The following GAA variants were observed in gnomAD, a reference collection of about 807,000 sequenced individuals.
GAA encodes alpha glucosidase.
In GAA, 88 loss-of-function variants were observed where a neutral mutation model predicts 103.9. The ratio of observed to expected loss-of-function variants is 0.85; its 90% CI spans 0.71 to 1.01. The LOEUF (loss-of-function observed/expected upper bound fraction) is 1.01. GAA is among the 50% of genes least tolerant of loss of function. The pLI is 0.00. For missense variants in GAA, 1,350 were observed against 1,305.3 expected (o/e 1.03, Z -0.53); for synonymous variants, 572 against 563.1 (o/e 1.02, Z -0.22).
rs761311330 is a variant in GAA, at chr17:80,104,914, T to C, written c.328T>C (p.Tyr110His). ...QEQCEARGCC[Y>H]IPAKQGLQGA... ...ACAGTGCGAGGCCCGCGGCTGTTGC[T>C]ACATCCCTGCAAAGCAGGGGCTGCA... The change falls in exon 2 of 20, where the codon TAC becomes CAC. Residue 110 changes from tyrosine (Y) to histidine (H), a missense_variant. Tyr to His is a moderately conservative substitution (Grantham distance 83, BLOSUM62 2). Transcript: ENST00000302262. This position sits in a 1 kb window ranked among gnomAD's most constrained non-coding sequence, Gnocchi z 4.0. The C allele has an allele frequency of 6.2e-7, 1 of 1,612,382 alleles. No homozygotes were observed. The highest frequency in any genetic ancestry group is 1.7e-5 in the Admixed American group (1 of 59,990).
intron 15 of GAA, among the ~76,000 whole-genome samples, chr17:80,115,457 G>A (rs2039337373): frequency 1.3e-5 from 2 of 152,188 alleles, no homozygotes; most frequent in African/African-American, 2.4e-5. Context: ...TTCCCTATCT[G>A]GTGAGTCATG....
intron 8 of GAA, 64 bp from the exon 9 acceptor site, chr17:80,109,881 T>A (rs1598579845): frequency 3.3e-6 from 4 of 1,214,424 alleles, no homozygotes; most frequent in Non-Finnish European, 4.9e-6. Flanking sequence ...CTGTCTCAGT[T>A]TTCCCCGTGG....
At chr17:80,119,091 C>T (rs1598594957) in intron 19 of GAA, among the ~76,000 whole-genome samples, 181 bp from the exon 20 acceptor site, 1 of 152,148 alleles carries the variant, frequency 6.6e-6, no homozygotes. Context: ...GCCGGGGTCC[C>T]CCTGCGCCTG....
Position 80,105,745 on chromosome 17 carries a change from C to A in GAA, c.547-4C>A, listed in dbSNP as rs3816256. ...GAACATCAATAAACCCCCATCTCTTCTAGATCAAAGATCCAGCTAACAGGC... is the reference window on the plus strand; with the variant it reads ...GAACATCAATAAACCCCCATCTCTTATAGATCAAAGATCCAGCTAACAGGC... On this transcript the variant is annotated splice_region_variant and splice_polypyrimidine_tract_variant and intron_variant, in intron 2 of 19. Transcript: ENST00000302262. 2 of 1,611,674 alleles carry A rather than the reference C, an allele frequency of 1.2e-6. No individual in the cohort carries two copies. Among genetic ancestry groups the A allele is most frequent in the Non-Finnish European group, 1.7e-6 (2 of 1,179,734 alleles).
In GAA at chr17:80,109,987, C is replaced by T; in HGVS notation, c.1369C>T (p.Pro457Ser). 6.2e-7 allele frequency: 1 copy of T among 1,613,368 alleles called. No homozygotes were observed. Among genetic ancestry groups the T allele is most frequent in the Non-Finnish European group, 8.5e-7 (1 of 1,179,942 alleles). Reference sequence around the variant, plus strand: ...CTCGGGCCCTGCCGGGAGCTACAGGCCCTACGACGAGGGTCTGCGGAGGGG... The same window carrying T: ...CTCGGGCCCTGCCGGGAGCTACAGGTCCTACGACGAGGGTCTGCGGAGGGG... ...SSSGPAGSYRPYDEGLRRGVF... is the reference protein window; with the variant it reads ...SSSGPAGSYRSYDEGLRRGVF... The change falls in exon 9 of 20, where the codon CCC (proline) becomes TCC (serine). Residue 457 changes from proline (P) to serine (S), a missense_variant. Coordinates refer to ENST00000302262, the MANE Select transcript of GAA (RefSeq NM_000152.5).
Position 80,108,812 on chromosome 17 carries a change from G to A in GAA, c.1310G>A (p.Arg437His), listed in dbSNP as rs150868652. The change falls in exon 8 of 20, where the codon CGC (arginine) becomes CAC (histidine). Residue 437 changes from arginine (R) to histidine (H), a missense_variant. Coordinates refer to ENST00000302262, the MANE Select transcript of GAA (RefSeq NM_000152.5). ...CAGGAGCTGCACCAGGGCGGCCGGC[G>A]CTACATGATGATCGTGGTGTGTGCC... Reference protein sequence around the residue: ...MVQELHQGGRRYMMIVDPAIS... With the variant: ...MVQELHQGGRHYMMIVDPAIS... 8.3e-5 allele frequency: 133 copies of A among 1,597,274 alleles called. No homozygotes were observed. The highest frequency in any genetic ancestry group is 5.6e-4 in the African/African-American group (42 of 74,760).
At chr17:80,108,020 T>A in intron 5 of GAA, 124 bp downstream of exon 5, 2 of 1,072,888 alleles carry the variant, frequency 1.9e-6, no homozygotes, top group Non-Finnish European at 2.8e-6. Flanking sequence ...GGGAAATGAG[T>A]CCTATGGGCT....
chr17:80,105,177 G>A (rs766791323), intron 2 of GAA, 45 bp downstream of exon 2: 12 of 1,552,152 alleles, frequency 7.7e-6, no homozygotes, highest in South Asian at 4.6e-5. Flanking sequence ...CAGAGGGTGC[G>A]CGTGGACATC....
chr17:80,117,185 G>A (rs2039373818), intron 16 of GAA, 76 bp downstream of exon 16: 1 of 1,495,850 alleles, frequency 6.7e-7, no homozygotes. Context: ...CCACCCAGTT[G>A]GTGTGACCAG....
intron 15 of GAA, among the ~76,000 whole-genome samples, chr17:80,116,014 A>C (rs962241797): frequency 3.3e-5 from 5 of 152,214 alleles, no homozygotes; most frequent in African/African-American, 1.2e-4. Flanking sequence ...GGTTAGTTTC[A>C]AGAGTCCTAA....
chr17:80,116,416 T>G (rs1230052679), intron 15 of GAA, among the ~76,000 whole-genome samples: 1 of 152,178 alleles, frequency 6.6e-6, no homozygotes, highest in Non-Finnish European at 1.5e-5. Flanking sequence ...AGCTGAGCAC[T>G]GGATGCCCCC....
intron 11 of GAA, among the ~76,000 whole-genome samples, 157 bp downstream of exon 11, chr17:80,111,182 C>T (rs1009166122): frequency 1.2e-4 from 19 of 152,144 alleles, no homozygotes; most frequent in African/African-American, 3.6e-4. Flanking sequence ...GGCTGGGAGA[C>T]TCAGCCAAGC....
In GAA at chr17:80,117,674, G is replaced by C; in HGVS notation, c.2406G>C (p.Gly802=). ...APREPAIHSE[G]QWVTLPAPLD... ...GTGAGCCAGCCATCCACAGCGAGGG[G>C]CAGTGGGTGACGCTGCCGGCCCCCC... The change falls in exon 17 of 20, where the codon GGG becomes GGC. Residue 802 remains glycine (G), a synonymous_variant. Coordinates refer to ENST00000302262, the MANE Select transcript of GAA (RefSeq NM_000152.5). The C allele has an allele frequency of 6.2e-7, 1 of 1,612,786 alleles. No homozygotes were observed. The highest frequency in any genetic ancestry group is 2.2e-5 in the East Asian group (1 of 44,884).
Position 80,119,302 on chromosome 17 carries a change from G to A in GAA, c.2830G>A (p.Gly944Arg). ...GGACATCTGTGTCTCGCTGTTGATG[G>A]GAGAGCAGTTTCTCGTCAGCTGGTG... Reference protein sequence around the residue: ...VLDICVSLLMGEQFLVSWC With the variant: ...VLDICVSLLMREQFLVSWC The change falls in exon 20 of 20, where the codon GGA becomes AGA. Residue 944 changes from glycine to arginine, a missense_variant. Physicochemically the swap from Gly to Arg is moderately radical, Grantham distance 125. Transcript: ENST00000302262. 1.2e-6 allele frequency: 2 copies of A among 1,614,104 alleles called. No homozygotes were observed. Among genetic ancestry groups the A allele is most frequent in the Non-Finnish European group, 8.5e-7 (1 of 1,179,952 alleles).
intron 19 of GAA, among the ~76,000 whole-genome samples, 168 bp from the exon 20 acceptor site, chr17:80,119,104 G>A (rs550155145): frequency 9.9e-5 from 15 of 152,268 alleles, no homozygotes; most frequent in Middle Eastern, 3.4e-3. Flanking sequence ...TGCGCCTGCC[G>A]GGGAGGAACC....
chr17:80,102,674 A>G (rs2038982527), intron 1 of GAA: 1 of 152,254 alleles, frequency 6.6e-6, no homozygotes, highest in African/African-American at 2.4e-5. Context: ...GGCCCTACGC[A>G]TCTCTTCCAT....
intron 15 of GAA, 118 bp from the exon 16 acceptor site, chr17:80,116,850 G>T: frequency 8.6e-7 from 1 of 1,165,198 alleles, no homozygotes; most frequent in Non-Finnish European, 1.3e-6. Flanking sequence ...AAGTCCTCCG[G>T]CACCTTGAGC....
At position 80,119,327 on chromosome 17, in the gene GAA, G is replaced by T. The variant is rs2039431289; in HGVS notation, c.2855G>T (p.Cys952Phe). The T allele has an allele frequency of 5.6e-6, 9 of 1,613,774 alleles. No individual in the cohort carries two copies. The highest frequency in any genetic ancestry group is 3.3e-5 in the Admixed American group (2 of 60,008). Residue 952 changes from cysteine (C) to phenylalanine (F), a missense_variant, in exon 20 of 20, where the codon TGT becomes TTT. Cys to Phe is a radical substitution (Grantham distance 205). Coordinates refer to ENST00000302262, the MANE Select transcript of GAA (RefSeq NM_000152.5). ...GGAGAGCAGTTTCTCGTCAGCTGGTGTTAGCCGGGCGGAGTGTGTTAGTCT... is the reference window on the plus strand; with the variant it reads ...GGAGAGCAGTTTCTCGTCAGCTGGTTTTAGCCGGGCGGAGTGTGTTAGTCT... ...LMGEQFLVSW[C>F]
At chr17:80,107,265 G>A (rs908405023) in intron 3 of GAA, among the ~76,000 whole-genome samples, 1 of 152,212 alleles carries the variant, frequency 6.6e-6, no homozygotes, top group Admixed American at 6.5e-5. Context: ...TGCCAGTTCC[G>A]GTACCAGCCA....
Sources: allele counts gnomAD v4.1 joint callset (sites outside exome capture counted in the v4.1 genomes callset), GRCh38; gene constraint gnomAD v4.1.1; non-coding constraint Gnocchi (gnomAD v3.1); transcripts MANE v1.5; gene names NCBI Gene and HGNC (gene_info 2026-07-23, HGNC 2026-07-21).